The following ATP9A variants were observed in gnomAD, a reference collection of about 807,000 sequenced individuals.
ATP9A encodes the protein probable phospholipid-transporting ATPase IIA.
Under a neutral mutation model 144.1 loss-of-function variants are expected in ATP9A, and 52 were observed. The observed-to-expected ratio is 0.36, with a 90% CI of 0.29 to 0.45. ATP9A has a LOEUF of 0.45. ATP9A is among the 20% of genes least tolerant of loss of function. ATP9A has a pLI of 1.00. For missense variants in ATP9A, 947 were observed against 1,392.7 expected, an observed-to-expected ratio of 0.68 and a Z score of 5.09; for synonymous variants, 582 against 557.4, an observed-to-expected ratio of 1.04 and a Z score of -0.62.
At position 51,747,674 on chromosome 20, in the gene ATP9A, C is replaced by T. The variant is rs187028321; in HGVS notation, c.69-17696G>A. On this transcript the variant is annotated intron_variant, in intron 1 of 27. Coordinates refer to ENST00000338821, the MANE Select transcript of ATP9A (RefSeq NM_006045.3). ...AGATGGGCAGTCAGGGATGCTGGGACTGTCGCCTTTCCCTGTTTCTCCATC... is the reference window on the plus strand; with the variant it reads ...AGATGGGCAGTCAGGGATGCTGGGATTGTCGCCTTTCCCTGTTTCTCCATC... Among the ~76,000 whole-genome samples the T allele has an allele frequency of 1.4e-3, 214 of 152,340 alleles. 2 individuals carry two copies. Among genetic ancestry groups the T allele is most frequent in the East Asian group, 3.9e-4 (2 of 5,186 alleles).
chr20:51,645,484 C>T (rs751611745), intron 14 of ATP9A, among the ~76,000 whole-genome samples: 1 of 151,960 alleles, frequency 6.6e-6, no homozygotes, highest in South Asian at 2.1e-4. Context: ...CGCGCCTGGG[C>T]GACAGAGTGA....
chr20:51,647,853 C>T (rs2077348140), intron 14 of ATP9A, among the ~76,000 whole-genome samples: 1 of 152,218 alleles, frequency 6.6e-6, no homozygotes, highest in Admixed American at 6.5e-5. Context: ...CCAAGGGAGG[C>T]ACATCTGACA....
At chr20:51,625,139 G>A (rs2122728626) in intron 18 of ATP9A, 53 bp downstream of exon 18, 1 of 1,548,812 alleles carries the variant, frequency 6.5e-7, no homozygotes, top group East Asian at 2.2e-5. Flanking sequence ...GCACTGCTGA[G>A]GGATAACTGG....
rs1390776036 is a variant in ATP9A, at chr20:51,712,962, T to C, written c.436+4A>G. Reference sequence around the variant, plus strand: ...CCCTGTGGCCCAGGAGCCAGAAGGCTGACCTCGTGCTGTGAGCCGGCTGTA... The same window carrying C: ...CCCTGTGGCCCAGGAGCCAGAAGGCCGACCTCGTGCTGTGAGCCGGCTGTA... On this transcript the variant is annotated splice_donor_region_variant and intron_variant, in intron 4 of 27. Coordinates refer to ENST00000338821, the MANE Select transcript of ATP9A (RefSeq NM_006045.3). The C allele has an allele frequency of 1.2e-6, 2 of 1,605,504 alleles. No individual in the cohort carries two copies. The highest frequency in any genetic ancestry group is 1.3e-5 in the African/African-American group (1 of 74,748).
intron 4 of ATP9A, among the ~76,000 whole-genome samples, chr20:51,710,583 C>G (rs1229719512): frequency 2.0e-5 from 3 of 152,198 alleles, no homozygotes; most frequent in Non-Finnish European, 4.4e-5. Flanking sequence ...CTGACAGTTT[C>G]TTCAGTGTTT....
intron 18 of ATP9A, among the ~76,000 whole-genome samples, chr20:51,624,125 G>A (rs2077238125): frequency 6.6e-6 from 1 of 152,218 alleles, no homozygotes; most frequent in Admixed American, 6.5e-5. Flanking sequence ...CGGAAGCAAG[G>A]TCCCGTTGGT....
At chr20:51,679,522 A>T (rs571893086) in intron 9 of ATP9A, among the ~76,000 whole-genome samples, 1 of 152,006 alleles carries the variant, frequency 6.6e-6, no homozygotes, top group African/African-American at 2.4e-5. Flanking sequence ...CCCAATTTGT[A>T]ACTGTTGACC....
chr20:51,602,385 T>TA lies in ATP9A; in HGVS notation c.3008-1039dup, dbSNP rs1356178393. On this transcript the variant is annotated intron_variant, in intron 27 of 27. Coordinates refer to ENST00000338821, the MANE Select transcript of ATP9A (RefSeq NM_006045.3). Reference sequence around the variant, plus strand: ...GGCTCAACTCACCCTGTGGTTTTCCTACACCTCTGACCCGGTCCTGTGGTG... The same window carrying TA: ...GGCTCAACTCACCCTGTGGTTTTCCTAACACCTCTGACCCGGTCCTGTGGTG... 3.9e-5 allele frequency among the ~76,000 whole-genome samples: 6 copies of TA among 152,292 alleles called. No homozygotes were observed. In the East Asian group the frequency reaches 1.2e-3, roughly 29 times the overall value.
At chr20:51,671,498 GA>G (rs1305061282) in intron 11 of ATP9A, among the ~76,000 whole-genome samples, 7 of 152,174 alleles carry the variant, frequency 4.6e-5, no homozygotes, top group African/African-American at 1.7e-4. Context: ...TTAAAATACA[GA>G]AAGGGTAGTG....
chr20:51,717,334 T>C (rs1015970714), intron 3 of ATP9A, among the ~76,000 whole-genome samples: 1 of 152,132 alleles, frequency 6.6e-6, no homozygotes, highest in Non-Finnish European at 1.5e-5. Flanking sequence ...ATTGACTCTC[T>C]ACATAAAAAT....
intron 3 of ATP9A, among the ~76,000 whole-genome samples, chr20:51,720,593 G>T (rs1943575488): frequency 6.6e-6 from 1 of 152,134 alleles, no homozygotes; most frequent in Admixed American, 6.5e-5. Context: ...CCCAGCTTTG[G>T]GAGGTCAAGG....
intron 1 of ATP9A, among the ~76,000 whole-genome samples, chr20:51,736,025 T>TG (rs2077761343): frequency 2.6e-5 from 4 of 151,916 alleles, no homozygotes; most frequent in Admixed American, 2.6e-4. Context: ...GAGGAAGGGG[T>TG]GTGGCTCCGG....
At chr20:51,648,743 G>A (rs551693326) in intron 14 of ATP9A, among the ~76,000 whole-genome samples, 1 of 152,186 alleles carries the variant, frequency 6.6e-6, no homozygotes, top group South Asian at 2.1e-4. Flanking sequence ...GAGGCGGGAG[G>A]ACTGCTTGAG....
In ATP9A at chr20:51,627,667, C is replaced by T. The variant is rs1007736093; in HGVS notation, c.1778G>A (p.Arg593Gln). ...CACCACGAGCACCCGCAGCCCTTCT[C>T]GGGCCATGTTGCCACACTGAAAAAT... ...WLEEECGNMA[R>Q]EGLRVLVVAK... Residue 593 changes from arginine to glutamine, a missense_variant, in exon 17 of 28, where the codon CGA becomes CAA. Arg to Gln is a conservative substitution (Grantham distance 43). This residue lies in a region of ATP9A where 770 missense variants were observed against 1,047.9 expected (regional missense o/e 0.73). Transcript: ENST00000338821. The T allele has an allele frequency of 1.9e-6, 3 of 1,614,056 alleles. No individual in the cohort carries two copies. Among genetic ancestry groups the T allele is most frequent in the African/African-American group, 2.7e-5 (2 of 74,932 alleles).
At chr20:51,698,511 C>T (rs984566313) in intron 4 of ATP9A, among the ~76,000 whole-genome samples, 1 of 152,166 alleles carries the variant, frequency 6.6e-6, no homozygotes, top group Non-Finnish European at 1.5e-5. Flanking sequence ...CAGTGAGACC[C>T]TGTCTCAACA....
intron 6 of ATP9A, 34 bp downstream of exon 6, chr20:51,696,059 A>T: frequency 6.3e-7 from 1 of 1,582,454 alleles, no homozygotes. Context: ...TGAAAGGTTA[A>T]TGGTTATTTT....
intron 1 of ATP9A, among the ~76,000 whole-genome samples, chr20:51,731,436 G>A (rs2077740764): frequency 2.0e-5 from 3 of 149,556 alleles, no homozygotes; most frequent in Non-Finnish European, 4.5e-5. Flanking sequence ...GAGAAGCTTG[G>A]GCCAGGCGAG....
intron 11 of ATP9A, among the ~76,000 whole-genome samples, chr20:51,671,726 C>G (rs1487573948): frequency 1.3e-5 from 2 of 152,062 alleles, no homozygotes; most frequent in Non-Finnish European, 2.9e-5. Flanking sequence ...TCAACAATAA[C>G]GCCCCATCCC....
chr20:51,766,978 A>G (rs1035664727), intron 1 of ATP9A, among the ~76,000 whole-genome samples: 47 of 152,094 alleles, frequency 3.1e-4, no homozygotes, highest in African/African-American at 1.1e-3. Context: ...CGTAACCTCC[A>G]GTTTCCTCCT....
Sources: allele counts gnomAD v4.1 joint callset (sites outside exome capture counted in the v4.1 genomes callset), GRCh38; gene constraint gnomAD v4.1.1; regional missense constraint gnomAD v4.1.1; transcripts MANE v1.5; gene names NCBI Gene and HGNC (gene_info 2026-07-23, HGNC 2026-07-21).